The following ABI1 variants were observed in gnomAD, a reference collection of about 807,000 sequenced individuals.
The protein encoded by ABI1 is abl interactor 1, also known as Abelson interactor 1.
ABI1 carries 14 observed loss-of-function variants against 54.6 expected under a neutral mutation model. The ratio of observed to expected loss-of-function variants is 0.26; its 90% CI spans 0.17 to 0.40. ABI1 has a LOEUF of 0.40. ABI1 is among the 10% of genes least tolerant of loss of function. The pLI is 1.00. For synonymous variants in ABI1, 194 were observed against 209.3 expected (o/e 0.93, Z 0.63); for missense variants, 443 against 598.3 (o/e 0.74, Z 2.71).
intron 2 of ABI1, among the ~76,000 whole-genome samples, chr10:26,798,529 G>A (rs1242474302): frequency 6.6e-6 from 1 of 152,034 alleles, no homozygotes; most frequent in African/African-American, 2.4e-5. Context: ...AAGGAACACA[G>A]CCCTATCCAC....
At chr10:26,834,695 G>A (rs1242591782) in intron 1 of ABI1, among the ~76,000 whole-genome samples, 4 of 151,768 alleles carry the variant, frequency 2.6e-5, no homozygotes, top group East Asian at 1.9e-4. Context: ...GACCAGGCAC[G>A]GTGGCTCACG....
At chr10:26,832,320 C>T (rs887606465) in intron 1 of ABI1, among the ~76,000 whole-genome samples, 3 of 152,294 alleles carry the variant, frequency 2.0e-5, no homozygotes, top group East Asian at 1.9e-4. Context: ...CAGTGGCTCA[C>T]TCCTGTAATC....
At chr10:26,814,663 G>A (rs550883501) in intron 2 of ABI1, among the ~76,000 whole-genome samples, 1 of 152,136 alleles carries the variant, frequency 6.6e-6, no homozygotes, top group Non-Finnish European at 1.5e-5. Context: ...ATTGGTTACA[G>A]AAAGGACTTA....
intron 2 of ABI1, among the ~76,000 whole-genome samples, chr10:26,789,621 TG>T (rs147276733): frequency 0.024 from 3,654 of 152,292 alleles, 146 homozygotes; most frequent in African/African-American, 0.082. Flanking sequence ...TAATATTTTA[TG>T]TTTTTTTTAA....
chr10:26,829,666 A>C (rs754739789), intron 1 of ABI1, among the ~76,000 whole-genome samples: 89 of 152,350 alleles, frequency 5.8e-4, no homozygotes, highest in Non-Finnish European at 9.6e-4. Flanking sequence ...AAAGGACTCA[A>C]TGTAAGGATC....
At chr10:26,767,035 AG>A (rs1429897092) in intron 6 of ABI1, among the ~76,000 whole-genome samples, 1 of 152,144 alleles carries the variant, frequency 6.6e-6, no homozygotes, top group East Asian at 1.9e-4. Flanking sequence ...TTATAGAAAA[AG>A]TTTGCTGATC....
At chr10:26,799,830 C>T (rs2046426160) in intron 2 of ABI1, among the ~76,000 whole-genome samples, 1 of 151,886 alleles carries the variant, frequency 6.6e-6, no homozygotes, top group African/African-American at 2.4e-5. Flanking sequence ...AAAAAAATTC[C>T]TCTGACAGTA....
intron 7 of ABI1, among the ~76,000 whole-genome samples, chr10:26,764,116 C>T (rs1839600327): frequency 6.6e-6 from 1 of 152,180 alleles, no homozygotes; most frequent in Non-Finnish European, 1.5e-5. Context: ...CATAAAGAGG[C>T]TACCGAGTTT....
At chr10:26,836,483 A>G (rs2049087048) in intron 1 of ABI1, among the ~76,000 whole-genome samples, 1 of 152,242 alleles carries the variant, frequency 6.6e-6, no homozygotes, top group Admixed American at 6.5e-5. Context: ...TTTGTCTGAT[A>G]TAATTAGTAC....
Position 26,779,001 on chromosome 10 carries a change from A to C in ABI1, c.286-1760T>G, listed in dbSNP as rs1841774470. On this transcript the variant is annotated intron_variant, in intron 2 of 10. Coordinates refer to ENST00000376140, the MANE Select transcript of ABI1 (RefSeq NM_001012750.3). ...CACTCTGGCTACTACTATTGCCATG[A>C]GTAATGATGTCCTTTGTCTCTGACC... Among the ~76,000 whole-genome samples, 4 of 152,300 alleles carry C rather than the reference A, an allele frequency of 2.6e-5. No individual in the cohort carries two copies. The South Asian group carries it at 8.3e-4, about 32-fold the overall frequency.
In ABI1 at chr10:26,776,909, C is replaced by A. The variant is rs992394049; in HGVS notation, c.462+156G>T. 1.5e-5 allele frequency: 10 copies of A among 656,710 alleles called. No homozygotes were observed. In the Middle Eastern group the frequency reaches 2.1e-3, roughly 135 times the overall value. The allele number at this position is 656,710 out of a possible 1,614,324, so 40.7% of individuals were successfully genotyped here. ...GCCTATTCAACTGATAAAATTGCAC[C>A]CCAACCTTAGTAAAATTCATATTAA... On this transcript the variant is annotated intron_variant, in intron 3 of 10. Coordinates refer to ENST00000376140, the MANE Select transcript of ABI1 (RefSeq NM_001012750.3).
intron 1 of ABI1, among the ~76,000 whole-genome samples, chr10:26,827,957 T>G (rs1209040270): frequency 6.6e-6 from 1 of 152,236 alleles, no homozygotes; most frequent in East Asian, 1.9e-4. Flanking sequence ...CTTCAAGAAC[T>G]TTTCCTTTGC....
chr10:26,801,341 G>C (rs943478135), intron 2 of ABI1, among the ~76,000 whole-genome samples: 1 of 151,986 alleles, frequency 6.6e-6, no homozygotes, highest in Non-Finnish European at 1.5e-5. Context: ...GAGCTCACAA[G>C]TTTGAGACCA....
intron 10 of ABI1, 117 bp from the exon 11 acceptor site, chr10:26,748,862 T>C: frequency 1.3e-6 from 1 of 771,628 alleles, no homozygotes; most frequent in Non-Finnish European, 2.0e-6. Flanking sequence ...TGAAGATTTC[T>C]TAATTTTTGT....
intron 2 of ABI1, among the ~76,000 whole-genome samples, chr10:26,804,933 A>G (rs960643527): frequency 6.6e-6 from 1 of 152,198 alleles, no homozygotes; most frequent in Non-Finnish European, 1.5e-5. Flanking sequence ...ACAAACATAT[A>G]CCCAAAAATC....
At chr10:26,830,830 A>G (rs2048622293) in intron 1 of ABI1, among the ~76,000 whole-genome samples, 1 of 152,146 alleles carries the variant, frequency 6.6e-6, no homozygotes, top group Admixed American at 6.5e-5. Flanking sequence ...TTTGCTATCA[A>G]ATCATAATGT....
In ABI1 at chr10:26,799,373, C is replaced by T. The variant is rs972723074; in HGVS notation, c.286-22132G>A. ...ATTTTCTCAAAAATATTTTAAAATA[C>T]ATTTAAATACTCAATGAAGGCTTTA... On this transcript the variant is annotated intron_variant, in intron 2 of 10. Coordinates refer to ENST00000376140, the MANE Select transcript of ABI1 (RefSeq NM_001012750.3). Among the ~76,000 whole-genome samples, 13 of 152,126 alleles carry T rather than the reference C, an allele frequency of 8.5e-5. No homozygotes were observed. The South Asian group carries it at 2.7e-3, about 32-fold the overall frequency.
chr10:26,794,687 G>C (rs1049257332), intron 2 of ABI1, among the ~76,000 whole-genome samples: 8 of 151,822 alleles, frequency 5.3e-5, no homozygotes, highest in African/African-American at 1.9e-4. Flanking sequence ...TTTCAACAGT[G>C]TCTGGCATGT....
intron 2 of ABI1, among the ~76,000 whole-genome samples, chr10:26,779,533 C>T (rs780130547): frequency 3.3e-5 from 5 of 152,082 alleles, no homozygotes; most frequent in Non-Finnish European, 7.3e-5. Flanking sequence ...GTTACAGAGA[C>T]ATACATCTAC....
Sources: allele counts gnomAD v4.1 joint callset (sites outside exome capture counted in the v4.1 genomes callset), GRCh38; gene constraint gnomAD v4.1.1; transcripts MANE v1.5; gene names NCBI Gene and HGNC (gene_info 2026-07-23, HGNC 2026-07-21).